Variants in DLG2 observed in about 807,000 individuals in gnomAD.
DLG2 encodes the protein discs large MAGUK scaffold protein 2, also known as disks large homolog 2.
DLG2 carries 45 observed loss-of-function variants against 132.5 expected under a neutral mutation model. The ratio of observed to expected loss-of-function variants is 0.34; its 90% CI spans 0.27 to 0.44. The LOEUF (loss-of-function observed/expected upper bound fraction) is 0.44. Ranked by LOEUF, DLG2 falls within the 20% of genes least tolerant of loss-of-function variation. The pLI is 1.00. For synonymous variants in DLG2, 424 were observed against 419.6 expected (o/e 1.01, Z -0.13); for missense variants, 1,045 against 1,196.9 (o/e 0.87, Z 1.87).
At chr11:85,034,078 ATTT>A (rs10719469) in intron 6 of DLG2, among the ~76,000 whole-genome samples, 3 of 137,896 alleles carry the variant, frequency 2.2e-5, no homozygotes, top group Non-Finnish European at 1.6e-5. Context: ...GATATATTAG[ATTT>A]TTTTTTTTTT....
At chr11:83,547,293 G>A (rs1271630267) in intron 19 of DLG2, among the ~76,000 whole-genome samples, 1 of 152,128 alleles carries the variant, frequency 6.6e-6, no homozygotes, top group Non-Finnish European at 1.5e-5. Flanking sequence ...CCCCCAAAAT[G>A]TCCACACTTT....
In DLG2 at chr11:83,462,369, C is replaced by A. The variant is rs572913871; in HGVS notation, c.2730-276G>T. Among the ~76,000 whole-genome samples, 4 of 152,292 alleles carry A rather than the reference C, an allele frequency of 2.6e-5. No homozygotes were observed. In the East Asian group the frequency reaches 7.7e-4, roughly 29 times the overall value. On this transcript the variant is annotated intron_variant, in intron 26 of 27. Coordinates refer to ENST00000376104, the MANE Select transcript of DLG2 (RefSeq NM_001142699.3). ...TTTGTAGTCACTGGTCCCTGTTCTGCAGGGACCTAATATCCTCCATGGTAG... is the reference window on the plus strand; with the variant it reads ...TTTGTAGTCACTGGTCCCTGTTCTGAAGGGACCTAATATCCTCCATGGTAG...
In DLG2 at chr11:84,099,023, T is replaced by C; in HGVS notation, c.649A>G (p.Ile217Val). Residue 217 changes from isoleucine to valine, a missense_variant, in exon 10 of 28, where the codon ATT (isoleucine) becomes GTT (valine). By Grantham distance (29) the Ile-to-Val change is conservative (BLOSUM62 3). This residue lies in a region of DLG2 where 109 missense variants were observed against 159.1 expected (regional missense o/e 0.69). Transcript: ENST00000376104. Reference protein sequence around the residue: ...ERGNSGLGFSIAGGTDNPHIG... With the variant: ...ERGNSGLGFSVAGGTDNPHIG... ...TGGGGATTATCTGTCCCCCCAGCAA[T>C]ACTGAATCCCAGGCCAGAATTCCCC... The C allele has an allele frequency of 6.2e-7, 1 of 1,613,274 alleles. No individual in the cohort carries two copies. Among genetic ancestry groups the C allele is most frequent in the Non-Finnish European group, 8.5e-7 (1 of 1,179,382 alleles).
chr11:84,837,554 T>C (rs2079987737), intron 6 of DLG2, among the ~76,000 whole-genome samples: 3 of 151,870 alleles, frequency 2.0e-5, no homozygotes, highest in African/African-American at 7.2e-5. Context: ...AGCTCATTTG[T>C]AATCAGAGTC....
chr11:83,816,805 T>G (rs1231655260), intron 17 of DLG2, among the ~76,000 whole-genome samples: 1 of 152,202 alleles, frequency 6.6e-6, no homozygotes, highest in South Asian at 2.1e-4. Context: ...ACAAAAGATA[T>G]AACTACATTT....
intron 7 of DLG2, among the ~76,000 whole-genome samples, chr11:84,460,692 A>G (rs981321611): frequency 1.3e-5 from 2 of 150,744 alleles, no homozygotes; most frequent in East Asian, 1.9e-4. Flanking sequence ...GTGTGTGGTA[A>G]TTTTATTTAA....
At chr11:84,143,463 A>G (rs2094940991) in intron 9 of DLG2, among the ~76,000 whole-genome samples, 1 of 152,210 alleles carries the variant, frequency 6.6e-6, no homozygotes, top group Non-Finnish European at 1.5e-5. Flanking sequence ...AGCTAAGTCT[A>G]TATAGACCAA....
At position 85,416,818 on chromosome 11, in the gene DLG2, CT is replaced by C. The variant is rs370622456; in HGVS notation, c.41-131454del. On this transcript the variant is annotated intron_variant, in intron 3 of 27. Coordinates refer to ENST00000376104, the MANE Select transcript of DLG2 (RefSeq NM_001142699.3). Reference sequence around the variant, plus strand: ...GTATCCTGAAACTTTGCTGAAGTTGCTTATGAGCATAAAGAGCTTTTCGGCT... The same window carrying C: ...GTATCCTGAAACTTTGCTGAAGTTGCTATGAGCATAAAGAGCTTTTCGGCT... Among the ~76,000 whole-genome samples, 308 of 152,260 alleles carry C rather than the reference CT, an allele frequency of 2.0e-3. 1 individual carries two copies. The highest frequency in any genetic ancestry group is 7.3e-3 in the African/African-American group (304 of 41,546).
chr11:84,328,724 AG>A (rs1295485351), intron 7 of DLG2, among the ~76,000 whole-genome samples: 1 of 152,208 alleles, frequency 6.6e-6, no homozygotes, highest in Non-Finnish European at 1.5e-5. Flanking sequence ...GCCTAAAGGC[AG>A]GGTATGGACT....
At chr11:83,965,174 A>T in intron 13 of DLG2, 150 bp downstream of exon 13, 1 of 796,958 alleles carries the variant, frequency 1.3e-6, no homozygotes, top group South Asian at 1.9e-5. Flanking sequence ...CTGCAAGGCA[A>T]CATAGGAGTG....
At chr11:84,549,169 G>A (rs1167802290) in intron 6 of DLG2, among the ~76,000 whole-genome samples, 1 of 152,176 alleles carries the variant, frequency 6.6e-6, no homozygotes, top group Non-Finnish European at 1.5e-5. Flanking sequence ...GGGATGTGCC[G>A]GGAATAAATT....
chr11:84,911,545 C>T (rs55868839), intron 6 of DLG2, among the ~76,000 whole-genome samples: 3,564 of 151,960 alleles, frequency 0.023, 101 homozygotes, highest in African/African-American at 0.071. Context: ...TTTTTACATG[C>T]TCCAATACAA....
intron 5 of DLG2, among the ~76,000 whole-genome samples, chr11:85,132,051 T>C (rs1291213905): frequency 1.3e-5 from 2 of 152,170 alleles, no homozygotes; most frequent in East Asian, 3.8e-4. Context: ...TTTAAATACA[T>C]TATTTAGAAC....
chr11:84,742,264 AAG>A (rs1274071388), intron 6 of DLG2, among the ~76,000 whole-genome samples: 3 of 152,200 alleles, frequency 2.0e-5, no homozygotes, highest in Non-Finnish European at 4.4e-5. Context: ...CAAGACTTGG[AAG>A]AGTCATAGAC....
chr11:84,064,312 T>C (rs2096638414), intron 10 of DLG2, among the ~76,000 whole-genome samples: 1 of 152,122 alleles, frequency 6.6e-6, no homozygotes, highest in African/African-American at 2.4e-5. Context: ...CCTTTGTGGG[T>C]ATGGAGATTA....
intron 5 of DLG2, among the ~76,000 whole-genome samples, chr11:85,150,502 C>G (rs2152452298): frequency 6.6e-6 from 1 of 151,956 alleles, no homozygotes; most frequent in Non-Finnish European, 1.5e-5. Context: ...ATTAATTCCC[C>G]CTCCCTCATC....
intron 10 of DLG2, among the ~76,000 whole-genome samples, chr11:84,078,080 A>G (rs2096852553): frequency 6.6e-6 from 1 of 152,222 alleles, no homozygotes; most frequent in Non-Finnish European, 1.5e-5. Flanking sequence ...ACCTAAAACA[A>G]TAAAGATGAA....
intron 4 of DLG2, among the ~76,000 whole-genome samples, chr11:85,274,922 T>C (rs535783818): frequency 8.5e-5 from 13 of 152,322 alleles, no homozygotes; most frequent in African/African-American, 2.6e-4. Flanking sequence ...CATTGGATCA[T>C]ACCCTTTCTG....
At chr11:85,510,064 A>C (rs1195219362) in intron 3 of DLG2, 1 of 145,524 alleles carries the variant, frequency 6.9e-6, no homozygotes, top group Non-Finnish European at 1.5e-5. Context: ...AAAAAAAAAC[A>C]GGTTAGTTTT....
Sources: gnomAD v4.1 joint callset for allele counts (sites outside exome capture counted in the v4.1 genomes callset) on GRCh38, gnomAD v4.1.1 for gene constraint, gnomAD v4.1.1 regional missense constraint, MANE v1.5 for transcripts, NCBI Gene and HGNC (gene_info 2026-07-23, HGNC 2026-07-21) for gene names.